KIAA1217: variants seen among roughly 807,000 people sequenced by gnomAD.
The protein encoded by KIAA1217 is sickle tail protein homolog.
Under a neutral mutation model 163.9 loss-of-function variants are expected in KIAA1217, and 88 were observed. The observed-to-expected ratio is 0.54, with a 90% CI of 0.45 to 0.64. The LOEUF is 0.64. Among genes scored for constraint, KIAA1217 ranks in the 30% least tolerant of loss-of-function variants. The pLI is 0.00. For synonymous variants in KIAA1217, 903 were observed against 923.1 expected (o/e 0.98, Z 0.39); for missense variants, 2,372 against 2,475.0 (o/e 0.96, Z 0.88).
At chr10:23,835,625 A>G (rs1287349370) in intron 1 of KIAA1217, among the ~76,000 whole-genome samples, 1 of 152,174 alleles carries the variant, frequency 6.6e-6, no homozygotes, top group Non-Finnish European at 1.5e-5. Flanking sequence ...AGTATGAAAA[A>G]GTATGAATTT....
chr10:23,920,166 G>GTTTGTT (rs146623097), intron 1 of KIAA1217, among the ~76,000 whole-genome samples: 17 of 152,214 alleles, frequency 1.1e-4, no homozygotes, highest in Admixed American at 7.2e-4. Flanking sequence ...TTGTTTGTTT[G>GTTTGTT]TTTGTTTTTG....
At chr10:23,701,835 G>A (rs1836471929) in intron 1 of KIAA1217, among the ~76,000 whole-genome samples, 1 of 152,144 alleles carries the variant, frequency 6.6e-6, no homozygotes, top group African/African-American at 2.4e-5. Flanking sequence ...TTACATTTAT[G>A]TATAAATTAG....
At chr10:24,502,829 GA>G (rs887848477) in intron 9 of KIAA1217, among the ~76,000 whole-genome samples, 3 of 151,838 alleles carry the variant, frequency 2.0e-5, no homozygotes, top group Non-Finnish European at 4.4e-5. Flanking sequence ...CATTTATACT[GA>G]AAAAAAATTA....
At chr10:23,877,283 A>G (rs1840742484) in intron 1 of KIAA1217, 1 of 152,038 alleles carries the variant, frequency 6.6e-6, no homozygotes, top group Non-Finnish European at 1.5e-5. Flanking sequence ...AAGCACAGCC[A>G]TATTACTACA....
At chr10:23,993,276 C>T (rs1431392191) in intron 1 of KIAA1217, among the ~76,000 whole-genome samples, 4 of 151,990 alleles carry the variant, frequency 2.6e-5, no homozygotes, top group Admixed American at 6.5e-5. Flanking sequence ...AAGTGATCCA[C>T]CTGCCTCGCC....
At chr10:24,398,930 T>C (rs1192021675) in intron 3 of KIAA1217, among the ~76,000 whole-genome samples, 4 of 152,196 alleles carry the variant, frequency 2.6e-5, no homozygotes. Flanking sequence ...CTTTCCCTGG[T>C]ACTGGCTGCG....
intron 2 of KIAA1217, among the ~76,000 whole-genome samples, chr10:24,088,264 T>C (rs1187298989): frequency 2.8e-5 from 3 of 107,632 alleles, no homozygotes; most frequent in African/African-American, 9.0e-5. Flanking sequence ...TACATATATA[T>C]ATATATATAT....
chr10:24,232,337 A>T (rs531078275), intron 2 of KIAA1217, among the ~76,000 whole-genome samples: 3 of 152,338 alleles, frequency 2.0e-5, no homozygotes, highest in East Asian at 3.9e-4. Flanking sequence ...TCCATGTTTA[A>T]TTGGGTGCCA....
intron 11 of KIAA1217, among the ~76,000 whole-genome samples, chr10:24,521,002 G>A: frequency 6.8e-6 from 1 of 147,340 alleles, no homozygotes; most frequent in East Asian, 2.0e-4. Context: ...GACCAGCCTA[G>A]GAAACATAAC....
chr10:23,839,615 C>T (rs1474588810), intron 1 of KIAA1217, among the ~76,000 whole-genome samples: 1 of 152,154 alleles, frequency 6.6e-6, no homozygotes, highest in Non-Finnish European at 1.5e-5. Context: ...GAGGAAGGAT[C>T]TTCTGCCTCT....
rs147270705 is a variant in KIAA1217, at chr10:24,267,477, C to T, written c.354+47568C>T. ...ATCTGTATCTATAACTATATATCTA[C>T]ATCTATACCTATATCTGTAGAGATG... On this transcript the variant is annotated intron_variant, in intron 2 of 20. Coordinates refer to ENST00000376454, the MANE Select transcript of KIAA1217 (RefSeq NM_019590.5). Among the ~76,000 whole-genome samples the T allele has an allele frequency of 4.4e-3, 669 of 152,260 alleles. 6 individuals are homozygous for T. The highest frequency in any genetic ancestry group is 0.015 in the African/African-American group (638 of 41,558).
chr10:23,901,536 A>C (rs1243726283), intron 1 of KIAA1217, among the ~76,000 whole-genome samples: 1 of 152,062 alleles, frequency 6.6e-6, no homozygotes, highest in Admixed American at 6.6e-5. Context: ...CCAACTCCAA[A>C]ATTTAATTGG....
chr10:23,820,411 C>T (rs1479184803), intron 1 of KIAA1217, among the ~76,000 whole-genome samples: 2 of 152,206 alleles, frequency 1.3e-5, no homozygotes, highest in African/African-American at 4.8e-5. Context: ...AACAGTCATT[C>T]AACCTCTCTC....
At chr10:23,807,838 T>A (rs941930096) in intron 1 of KIAA1217, among the ~76,000 whole-genome samples, 1 of 152,092 alleles carries the variant, frequency 6.6e-6, no homozygotes, top group African/African-American at 2.4e-5. Context: ...GAGAAAGCAA[T>A]AAAAGATGTA....
chr10:24,137,848 C>T (rs1283967659), intron 2 of KIAA1217, among the ~76,000 whole-genome samples: 1 of 152,090 alleles, frequency 6.6e-6, no homozygotes, highest in African/African-American at 2.4e-5. Context: ...TATGCATGCT[C>T]TTAAAAAACA....
At chr10:24,365,818 A>C (rs942710823) in intron 2 of KIAA1217, among the ~76,000 whole-genome samples, 1 of 152,052 alleles carries the variant, frequency 6.6e-6, no homozygotes, top group Non-Finnish European at 1.5e-5. Context: ...ATCTGTGTTC[A>C]AGTGTTCTTT....
At chr10:24,505,555 C>T (rs11591516) in intron 9 of KIAA1217, among the ~76,000 whole-genome samples, 45,410 of 151,890 alleles carry the variant, frequency 0.3, 7,077 homozygotes, top group Middle Eastern at 0.4. Flanking sequence ...TGCACTTCTT[C>T]CCCTCCTTGT....
chr10:24,242,160 G>A (rs371949524), intron 2 of KIAA1217, among the ~76,000 whole-genome samples: 2 of 152,082 alleles, frequency 1.3e-5, no homozygotes, highest in East Asian at 1.9e-4. Flanking sequence ...GATATAGGAG[G>A]TACATGTATA....
intron 1 of KIAA1217, among the ~76,000 whole-genome samples, chr10:23,867,924 C>T (rs941233905): frequency 2.0e-5 from 3 of 152,112 alleles, no homozygotes; most frequent in Non-Finnish European, 2.9e-5. Context: ...GAAGTCCTTG[C>T]CCACGCCTAT....
Sources: gnomAD v4.1 joint callset for allele counts (sites outside exome capture counted in the v4.1 genomes callset) on GRCh38, gnomAD v4.1.1 for gene constraint, MANE v1.5 for transcripts, NCBI Gene and HGNC (gene_info 2026-07-23, HGNC 2026-07-21) for gene names.